UST: variants seen among roughly 807,000 people sequenced by gnomAD.
UST encodes uronyl 2-sulfotransferase.
UST carries 21 observed loss-of-function variants against 45.6 expected under a neutral mutation model. That is an observed-to-expected ratio of 0.46 (90% CI 0.33 to 0.66). UST has a LOEUF of 0.66. UST is among the 30% of genes least tolerant of loss of function. The pLI, the probability that UST is intolerant of heterozygous loss-of-function variation, is 0.02. For missense variants in UST, 463 were observed against 512.4 expected (o/e 0.90, Z 0.93); for synonymous variants, 215 against 200.6 (o/e 1.07, Z -0.61).
At chr6:149,020,857 A>G (rs542617602) in intron 6 of UST, among the ~76,000 whole-genome samples, 14 of 152,384 alleles carry the variant, frequency 9.2e-5, no homozygotes, top group East Asian at 3.9e-4. Flanking sequence ...CTTCCAAAGA[A>G]TAAGATGATT....
intron 4 of UST, among the ~76,000 whole-genome samples, chr6:148,956,518 T>C (rs1466914475): frequency 6.6e-6 from 1 of 152,132 alleles, no homozygotes; most frequent in Non-Finnish European, 1.5e-5. Flanking sequence ...CCTCCCACAA[T>C]ACATGGGAAT....
rs1775925537 is a variant in UST at position 148,748,552 on chromosome 6, T to C, written c.247+875T>C. ...CAGCGAGAAGGCGTGACCCCGCAGC[T>C]CCCTCGTCTCGGCTGCGGGAGCCAG... On this transcript the variant is annotated intron_variant, in intron 1 of 7. Coordinates refer to ENST00000367463, the MANE Select transcript of UST (RefSeq NM_005715.3). This position sits in a 1 kb window ranked among gnomAD's most constrained non-coding sequence, Gnocchi z 5.3. Among the ~76,000 whole-genome samples the C allele has an allele frequency of 6.6e-6, 1 of 150,800 alleles. No individual in the cohort carries two copies. The highest frequency in any genetic ancestry group is 2.4e-5 in the African/African-American group (1 of 40,942).
chr6:149,051,174 C>T (rs1776478869), intron 7 of UST, among the ~76,000 whole-genome samples: 1 of 152,206 alleles, frequency 6.6e-6, no homozygotes, highest in African/African-American at 2.4e-5. Flanking sequence ...AATATGGATT[C>T]CATGAGCTTG....
At position 149,005,496 on chromosome 6, in the gene UST, G is replaced by A. The variant is rs1350451760; in HGVS notation, c.682-13643G>A. ...CAAATTGACAGTGGGCCCGAACTTT[G>A]CTCATTTAATGAGATAGAATTAGTA... On this transcript the variant is annotated intron_variant, in intron 5 of 7. Transcript: ENST00000367463. The A allele has an allele frequency of 3.0e-6, 3 of 985,246 alleles. No homozygotes were observed. The East Asian group carries it at 3.4e-4, about 112-fold the overall frequency. The allele number at this position is 985,246 out of a possible 1,614,324, so 61.0% of individuals were successfully genotyped here.
chr6:148,930,600 G>A (rs1244769985), intron 2 of UST, among the ~76,000 whole-genome samples: 1 of 152,208 alleles, frequency 6.6e-6, no homozygotes, highest in African/African-American at 2.4e-5. Context: ...CTAGGGGAAA[G>A]AGAGGTGAAG....
At position 148,747,488 on chromosome 6, in the gene UST, C is replaced by T. The variant is rs1238517447; in HGVS notation, c.58C>T (p.Pro20Ser). ...GGADPWPHGA[P>S]MGGAPPGLGS... Reference sequence around the variant, plus strand: ...CGCGGATCCCTGGCCCCATGGGGCCCCTATGGGGGGCGCCCCTCCGGGCCT... The same window carrying T: ...CGCGGATCCCTGGCCCCATGGGGCCTCTATGGGGGGCGCCCCTCCGGGCCT... The change falls in exon 1 of 8, where the codon CCT (proline) becomes TCT (serine). Residue 20 changes from proline to serine, a missense_variant. Physicochemically the swap from Pro to Ser is moderately conservative, Grantham distance 74. Around this residue, in one of 2 missense-constraint regions of UST, gnomAD observed 176 missense variants for 138.3 expected, o/e 1.27. Coordinates refer to ENST00000367463, the MANE Select transcript of UST (RefSeq NM_005715.3). The T allele has an allele frequency of 1.3e-6, 2 of 1,514,674 alleles. No homozygotes were observed. Among genetic ancestry groups the T allele is most frequent in the East Asian group, 2.7e-5 (1 of 37,668 alleles). The allele number at this position is 1,514,674 out of a possible 1,614,324, so 93.8% of individuals were successfully genotyped here. A position where few individuals can be genotyped will look rare whatever the true frequency, so the allele number is the denominator to read the frequency against.
At chr6:149,043,911 G>A (rs1193267922) in intron 7 of UST, among the ~76,000 whole-genome samples, 3 of 152,206 alleles carry the variant, frequency 2.0e-5, no homozygotes, top group South Asian at 2.1e-4. Context: ...CAGTCCCAGT[G>A]GCCATCACAA....
intron 1 of UST, among the ~76,000 whole-genome samples, chr6:148,770,298 A>G (rs553120171): frequency 1.9e-4 from 29 of 151,132 alleles, no homozygotes; most frequent in Admixed American, 1.8e-3. Flanking sequence ...TTGAAGCATA[A>G]ATAGGCATTT....
intron 1 of UST, among the ~76,000 whole-genome samples, chr6:148,864,915 A>G (rs564622334): frequency 2.0e-5 from 3 of 152,334 alleles, no homozygotes; most frequent in African/African-American, 7.2e-5. Context: ...CACAAGTGCT[A>G]ATAAAAATTT....
At chr6:148,843,354 G>GA (rs774966863) in intron 1 of UST, among the ~76,000 whole-genome samples, 1 of 152,096 alleles carries the variant, frequency 6.6e-6, no homozygotes, top group Non-Finnish European at 1.5e-5. Context: ...TTTAAACCCT[G>GA]AAAAAATATA....
At chr6:148,830,281 G>A (rs6911902) in intron 1 of UST, among the ~76,000 whole-genome samples, 2,922 of 152,286 alleles carry the variant, frequency 0.019, 42 homozygotes, top group Non-Finnish European at 0.029. Flanking sequence ...GCAACATGAT[G>A]CATGCATTCA....
intron 5 of UST, among the ~76,000 whole-genome samples, chr6:149,008,933 T>C (rs1775761866): frequency 6.6e-6 from 1 of 152,250 alleles, no homozygotes; most frequent in South Asian, 2.1e-4. Context: ...CCATCAGTTT[T>C]TCCTGACTCA....
At chr6:148,835,995 G>T (rs1240126132) in intron 1 of UST, among the ~76,000 whole-genome samples, 2 of 152,124 alleles carry the variant, frequency 1.3e-5, no homozygotes, top group African/African-American at 4.8e-5. Context: ...ATAACTTACT[G>T]AAATGAGCAG....
intron 2 of UST, among the ~76,000 whole-genome samples, chr6:148,909,648 G>A (rs1424306156): frequency 1.3e-5 from 2 of 152,152 alleles, no homozygotes; most frequent in Admixed American, 6.5e-5. Context: ...GTTGTTTAAC[G>A]TCCTTCTAGC....
intron 1 of UST, among the ~76,000 whole-genome samples, chr6:148,832,861 A>G (rs1025970477): frequency 6.6e-5 from 10 of 152,324 alleles, no homozygotes; most frequent in Non-Finnish European, 1.3e-4. Context: ...TTGTTTTTCA[A>G]CTTGCTTCTT....
intron 2 of UST, among the ~76,000 whole-genome samples, chr6:148,898,815 A>T (rs2114860377): frequency 6.6e-6 from 1 of 152,326 alleles, no homozygotes; most frequent in South Asian, 2.1e-4. Context: ...ATGTTCACCA[A>T]GCCTTATCCA....
At chr6:149,056,368 A>G (rs1292074279) in intron 7 of UST, among the ~76,000 whole-genome samples, 1 of 151,898 alleles carries the variant, frequency 6.6e-6, no homozygotes, top group Non-Finnish European at 1.5e-5. Flanking sequence ...TGGCCTCTCA[A>G]AGTGCTGGGA....
At chr6:148,844,873 G>C (rs891946492) in intron 1 of UST, among the ~76,000 whole-genome samples, 4 of 152,124 alleles carry the variant, frequency 2.6e-5, no homozygotes, top group Non-Finnish European at 5.9e-5. Context: ...TTACAGGTGA[G>C]AACATGTGGC....
At chr6:149,043,021 T>TTCTTTCTTTTTC (rs1421057336) in intron 7 of UST, among the ~76,000 whole-genome samples, 1 of 118,224 alleles carries the variant, frequency 8.5e-6, no homozygotes, top group Non-Finnish European at 1.7e-5. Flanking sequence ...CTTTCTTTCT[T>TTCTTTCTTTTTC]TTTCTTTCTT....
Sources: allele counts gnomAD v4.1 joint callset (sites outside exome capture counted in the v4.1 genomes callset), GRCh38; gene constraint gnomAD v4.1.1; regional missense constraint gnomAD v4.1.1; non-coding constraint Gnocchi (gnomAD v3.1); transcripts MANE v1.5; gene names NCBI Gene and HGNC (gene_info 2026-07-23, HGNC 2026-07-21).